DNAJC6: variants seen among roughly 807,000 people sequenced by gnomAD.
The protein encoded by DNAJC6 is auxilin.
DNAJC6 carries 34 observed loss-of-function variants against 110.0 expected under a neutral mutation model. The observed-to-expected ratio is 0.31, with a 90% CI of 0.24 to 0.41. The LOEUF (loss-of-function observed/expected upper bound fraction) is 0.41. Among genes scored for constraint, DNAJC6 ranks in the 10% least tolerant of loss-of-function variants. The probability of loss-of-function intolerance (pLI) is 1.00; values close to 1 mark genes in which losing one functional copy is unlikely to be tolerated. For synonymous variants in DNAJC6, 406 were observed against 437.2 expected (o/e 0.93, Z 0.89); for missense variants, 1,031 against 1,207.8 (o/e 0.85, Z 2.17).
rs1646074665 is a variant in DNAJC6, at chr1:65,406,150, G to A, written c.2491+17G>A. 3 of 1,605,210 alleles carry A rather than the reference G, an allele frequency of 1.9e-6. No homozygotes were observed. Among genetic ancestry groups the A allele is most frequent in the Middle Eastern group, 1.7e-4 (1 of 6,002 alleles). ...GTAATTTGGGTAAGGATAATGGTATGGGACCTAGCTATGGGGCAGCCTGTC... is the reference window on the plus strand; with the variant it reads ...GTAATTTGGGTAAGGATAATGGTATAGGACCTAGCTATGGGGCAGCCTGTC... On this transcript the variant is annotated intron_variant, in intron 16 of 18. Transcript: ENST00000371069.
chr1:65,294,891 A>T (rs1644914907), intron 1 of DNAJC6, among the ~76,000 whole-genome samples: 1 of 152,180 alleles, frequency 6.6e-6, no homozygotes, highest in South Asian at 2.1e-4. Context: ...AGCCAGAAAA[A>T]AAGTATAGGA....
In DNAJC6 at chr1:65,405,963, C is replaced by G. The variant is rs767023001; in HGVS notation, c.2321C>G (p.Pro774Arg). The G allele has an allele frequency of 6.2e-7, 1 of 1,614,230 alleles. No homozygotes were observed. Among genetic ancestry groups the G allele is most frequent in the South Asian group, 1.1e-5 (1 of 91,084 alleles). Residue 774 changes from proline to arginine, a missense_variant, in exon 16 of 19, where the codon CCT becomes CGT. Pro to Arg is a moderately radical substitution (Grantham distance 103). Coordinates refer to ENST00000371069, the MANE Select transcript of DNAJC6 (RefSeq NM_001256864.2). ...TCGCCACAGAAGGCGTCTCCCCAGC[C>G]TATGGGTGGCGGGTGGCAGCAGGGA... ...LSSPQKASPQ[P>R]MGGGWQQGGA...
chr1:65,388,869 G>A (rs1476200440), intron 9 of DNAJC6, among the ~76,000 whole-genome samples: 4 of 152,186 alleles, frequency 2.6e-5, no homozygotes, highest in East Asian at 1.9e-4. Context: ...CTAGGTGAAC[G>A]CAGTTGTGGG....
chr1:65,376,028 T>C (rs1645763577), intron 4 of DNAJC6, among the ~76,000 whole-genome samples: 1 of 152,242 alleles, frequency 6.6e-6, no homozygotes, highest in African/African-American at 2.4e-5. Flanking sequence ...TGGGCCTTTC[T>C]TTGATAGGAG....
Position 65,385,771 on chromosome 1 carries a change from C to G in DNAJC6, c.860C>G (p.Pro287Arg), listed in dbSNP as rs1645865919. 6.2e-7 allele frequency: 1 copy of G among 1,613,930 alleles called. No individual in the cohort carries two copies. Among genetic ancestry groups the G allele is most frequent in the Admixed American group, 1.7e-5 (1 of 60,004 alleles). ...AAGCCCTACCGCCCTCACTTCAAGC[C>G]TCTCACAATTAAGTCGATCACTGTC... is the stretch of plus-strand genomic sequence containing the variant. ...ADKPYRPHFK[P>R]LTIKSITVSP... The change falls in exon 7 of 19, where the codon CCT (proline) becomes CGT (arginine). Residue 287 changes from proline to arginine, a missense_variant. Physicochemically the swap from Pro to Arg is moderately radical, Grantham distance 103. Transcript: ENST00000371069.
chr1:65,368,604 T>C (rs12729440), intron 4 of DNAJC6, among the ~76,000 whole-genome samples: 3 of 132,912 alleles, frequency 2.3e-5, no homozygotes, highest in African/African-American at 9.9e-5. Context: ...TTCTTCTTCT[T>C]CTCCTCCTTC....
In DNAJC6 at chr1:65,398,873, CTAAACCAGGTAAA is replaced by C; in HGVS notation, c.2100_2107+5del. 2 of 1,614,000 alleles carry C rather than the reference CTAAACCAGGTAAA, an allele frequency of 1.2e-6. No homozygotes were observed. The highest frequency in any genetic ancestry group is 1.7e-6 in the Non-Finnish European group (2 of 1,179,934). The stretch of plus-strand genomic sequence containing the variant: ...GTTTCTGGAGGTTGGGACTGGCATG[CTAAACCAGGTAAA>C]AGCAGGTTATTTTCTGTACACATTT... On this transcript the variant is annotated splice_donor_variant and splice_donor_5th_base_variant and coding_sequence_variant and intron_variant, in exon 14 of 19. Coordinates refer to ENST00000371069, the MANE Select transcript of DNAJC6 (RefSeq NM_001256864.2). LOFTEE classifies it high-confidence loss of function.
intron 1 of DNAJC6, among the ~76,000 whole-genome samples, chr1:65,302,291 A>T (rs1472387435): frequency 4.1e-5 from 4 of 96,740 alleles, no homozygotes; most frequent in Non-Finnish European, 8.1e-5. Context: ...TATAATATAT[A>T]ATATATATAA....
intron 4 of DNAJC6, among the ~76,000 whole-genome samples, chr1:65,373,182 C>T (rs1286075439): frequency 6.6e-6 from 1 of 151,994 alleles, no homozygotes; most frequent in Non-Finnish European, 1.5e-5. Context: ...ATATGTATAC[C>T]ACATTTTATT....
intron 1 of DNAJC6, among the ~76,000 whole-genome samples, chr1:65,281,374 A>G (rs1262929543): frequency 6.6e-6 from 1 of 152,130 alleles, no homozygotes; most frequent in Non-Finnish European, 1.5e-5. Context: ...CATCACTACT[A>G]TCTAATTCCA....
At chr1:65,379,769 C>G in intron 5 of DNAJC6, 2 of 366,370 alleles carry the variant, frequency 5.5e-6, no homozygotes, top group Non-Finnish European at 9.5e-6. Flanking sequence ...CTAGAATGTG[C>G]TAAGTATTAT....
intron 6 of DNAJC6, among the ~76,000 whole-genome samples, chr1:65,384,775 TG>T (rs35725988): frequency 0.024 from 3,709 of 152,268 alleles, 70 homozygotes; most frequent in South Asian, 0.11. Flanking sequence ...GAGATTTGGA[TG>T]GGGACATAGC....
At chr1:65,388,498 A>T in intron 9 of DNAJC6, 83 bp downstream of exon 9, 1 of 1,276,406 alleles carries the variant, frequency 7.8e-7, no homozygotes, top group Non-Finnish European at 1.1e-6. Context: ...GCTGTAGCAT[A>T]CCCTGGAATC....
intron 4 of DNAJC6, among the ~76,000 whole-genome samples, chr1:65,372,705 C>T (rs571181931): frequency 3.9e-5 from 6 of 151,906 alleles, no homozygotes; most frequent in Non-Finnish European, 8.8e-5. Context: ...GAGTGAAAAT[C>T]CAGCCTGTGG....
intron 7 of DNAJC6, 23 bp from the exon 8 acceptor site, chr1:65,386,789 T>C: frequency 1.3e-6 from 2 of 1,580,410 alleles, no homozygotes; most frequent in Non-Finnish European, 1.7e-6. Context: ...TCTTTCAATG[T>C]ATATTTTGGT....
At chr1:65,310,712 C>T (rs1430950709) in intron 1 of DNAJC6, among the ~76,000 whole-genome samples, 2 of 152,178 alleles carry the variant, frequency 1.3e-5, no homozygotes, top group African/African-American at 4.8e-5. Context: ...CTTGGAACTG[C>T]TGTTGGCATT....
In DNAJC6 at chr1:65,411,234, C is replaced by G. The variant is rs866501106; in HGVS notation, c.2635-16C>G. 1.2e-6 allele frequency: 2 copies of G among 1,604,270 alleles called. No homozygotes were observed. The highest frequency in any genetic ancestry group is 2.2e-5 in the South Asian group (2 of 90,160). On this transcript the variant is annotated splice_polypyrimidine_tract_variant and intron_variant, in intron 17 of 18. Coordinates refer to ENST00000371069, the MANE Select transcript of DNAJC6 (RefSeq NM_001256864.2). ...AAGTAAGCATTTGAATTTCTTAATC[C>G]CCTTTGTGTTTACAGATTCTGGAAT...
At chr1:65,328,628 C>T (rs967234798) in intron 1 of DNAJC6, among the ~76,000 whole-genome samples, 3 of 152,216 alleles carry the variant, frequency 2.0e-5, no homozygotes, top group Non-Finnish European at 4.4e-5. Flanking sequence ...AAGGAACCCC[C>T]ATGTTGCCAT....
intron 1 of DNAJC6, among the ~76,000 whole-genome samples, chr1:65,352,881 A>G (rs1247479516): frequency 6.6e-6 from 1 of 152,156 alleles, no homozygotes; most frequent in Non-Finnish European, 1.5e-5. Context: ...CTACCTGTAT[A>G]TGGGGGGTTG....
Sources: allele counts gnomAD v4.1 joint callset (sites outside exome capture counted in the v4.1 genomes callset), GRCh38; gene constraint gnomAD v4.1.1; transcripts MANE v1.5; gene names NCBI Gene and HGNC (gene_info 2026-07-23, HGNC 2026-07-21).